Variants in PTK6 observed in about 807,000 individuals in gnomAD.
The protein encoded by PTK6 is protein-tyrosine kinase 6.
Under a neutral mutation model 47.5 loss-of-function variants are expected in PTK6, and 47 were observed. The ratio of observed to expected loss-of-function variants is 0.99; its 90% CI spans 0.78 to 1.26. PTK6 has a LOEUF of 1.26. PTK6 is among the 50% of genes most tolerant of loss of function. The pLI is 0.00. For missense variants in PTK6, 618 were observed against 625.3 expected (o/e 0.99, Z 0.12); for synonymous variants, 287 against 276.5 (o/e 1.04, Z -0.38).
intron 5 of PTK6, among the ~76,000 whole-genome samples, chr20:63,531,493 T>TA (rs1438178976): frequency 6.9e-6 from 1 of 144,422 alleles, no homozygotes; most frequent in African/African-American, 2.6e-5. Flanking sequence ...CAGGTGCCTG[T>TA]AATCTCAGCT....
At position 63,530,064 on chromosome 20, in the gene PTK6, A is replaced by G. The variant is rs202041591; in HGVS notation, c.1168+14T>C. 2.4e-5 allele frequency: 38 copies of G among 1,613,106 alleles called. No individual in the cohort carries two copies. Among genetic ancestry groups the G allele is most frequent in the Admixed American group, 1.0e-4 (6 of 60,022 alleles). ...CTGCCTCTCATGCCCAGTCAGGGAC[A>G]GTGGGGACAGTACCTGGGTAGGGCA... On this transcript the variant is annotated intron_variant, in intron 7 of 7. Transcript: ENST00000542869. The surrounding 1 kb of genome is among the most constrained non-coding windows in gnomAD (Gnocchi z 4.1).
chr20:63,532,281 T>TC (rs2050323379), intron 5 of PTK6, among the ~76,000 whole-genome samples: 1 of 151,180 alleles, frequency 6.6e-6, no homozygotes, highest in African/African-American at 2.4e-5. Context: ...TCTGTGTGTG[T>TC]CATGTGATGT....
chr20:63,532,445 A>T, intron 5 of PTK6, 81 bp downstream of exon 5: 1 of 1,442,086 alleles, frequency 6.9e-7, no homozygotes, highest in Non-Finnish European at 9.2e-7. Flanking sequence ...GTGTGTGTGT[A>T]GACGTGGGGG....
At position 63,533,773 on chromosome 20, in the gene PTK6, A is replaced by G; in HGVS notation, c.517-69T>C. ...GGAAGTGCCAGTCTGAAGCCAGCAC[A>G]GGGAGCCTGGATTTAGCCTCAGATT... is the stretch of plus-strand genomic sequence containing the variant. On this transcript the variant is annotated intron_variant, in intron 3 of 7. Coordinates refer to ENST00000542869, the MANE Select transcript of PTK6 (RefSeq NM_005975.4). This position sits in a 1 kb window ranked among gnomAD's most constrained non-coding sequence, Gnocchi z 4.0. 6.5e-7 allele frequency: 1 copy of G among 1,539,962 alleles called. No homozygotes were observed. The highest frequency in any genetic ancestry group is 8.7e-7 in the Non-Finnish European group (1 of 1,144,282).
intron 5 of PTK6, among the ~76,000 whole-genome samples, chr20:63,531,870 C>A (rs2082624347): frequency 6.6e-6 from 1 of 152,204 alleles, no homozygotes; most frequent in South Asian, 2.1e-4. Context: ...GATGATCAAG[C>A]CCTTTGTGTG....
In PTK6 at chr20:63,531,437, A is replaced by T. The variant is rs867229606; in HGVS notation, c.833-510T>A. On this transcript the variant is annotated intron_variant, in intron 5 of 7. Coordinates refer to ENST00000542869, the MANE Select transcript of PTK6 (RefSeq NM_005975.4). Reference sequence around the variant, plus strand: ...CTCCGTCTCAAAAAAAAAAAAAAAAAATATATATATATATATATATATATA... The same window carrying T: ...CTCCGTCTCAAAAAAAAAAAAAAAATATATATATATATATATATATATATA... 4.8e-3 allele frequency among the ~76,000 whole-genome samples: 455 copies of T among 94,854 alleles called. 1 individual carries two copies. The highest frequency in any genetic ancestry group is 7.2e-3 in the African/African-American group (129 of 17,946). 62.2% of individuals were successfully genotyped at this position (94,854 alleles called of 152,430 possible). A position where few individuals can be genotyped will look rare whatever the true frequency, so the allele number is the denominator to read the frequency against.
chr20:63,529,982 G>A lies in PTK6; in HGVS notation c.1168+96C>T, dbSNP rs2082604840. 2 of 1,464,482 alleles carry A rather than the reference G, an allele frequency of 1.4e-6. No individual in the cohort carries two copies. Among genetic ancestry groups the A allele is most frequent in the Non-Finnish European group, 1.9e-6 (2 of 1,071,932 alleles). The allele number at this position is 1,464,482 out of a possible 1,614,324, so 90.7% of individuals were successfully genotyped here. A position where few individuals can be genotyped will look rare whatever the true frequency, so the allele number is the denominator to read the frequency against. On this transcript the variant is annotated intron_variant, in intron 7 of 7. Coordinates refer to ENST00000542869, the MANE Select transcript of PTK6 (RefSeq NM_005975.4). The surrounding 1 kb of genome is among the most constrained non-coding windows in gnomAD (Gnocchi z 5.6). ...GCGATGGCCCGCGGAGGGCCCTGAA[G>A]CCCGTGGGGGAGGCACCCCCCAGCG...
rs569510506 is a variant in PTK6 at position 63,530,054 on chromosome 20, A to G, written c.1168+24T>C. ...CTCCCCCACTCTGCCTCTCATGCCC[A>G]GTCAGGGACAGTGGGGACAGTACCT... On this transcript the variant is annotated intron_variant, in intron 7 of 7. Coordinates refer to ENST00000542869, the MANE Select transcript of PTK6 (RefSeq NM_005975.4). The surrounding 1 kb of genome is among the most constrained non-coding windows in gnomAD (Gnocchi z 4.1). 1 of 1,612,248 alleles carries G rather than the reference A, an allele frequency of 6.2e-7. No homozygotes were observed. The highest frequency in any genetic ancestry group is 8.5e-7 in the Non-Finnish European group (1 of 1,179,274).
chr20:63,530,910 G>A lies in PTK6; in HGVS notation c.850C>T (p.Leu284=). 1.2e-6 allele frequency: 2 copies of A among 1,611,426 alleles called. No homozygotes were observed. The highest frequency in any genetic ancestry group is 1.7e-6 in the Non-Finnish European group (2 of 1,178,928). The change falls in exon 6 of 8, where the codon CTG becomes TTG. Residue 284 remains leucine (L), a synonymous_variant. Coordinates refer to ENST00000542869, the MANE Select transcript of PTK6 (RefSeq NM_005975.4). The surrounding 1 kb of genome is among the most constrained non-coding windows in gnomAD (Gnocchi z 4.1). ...ATGTCCAGCAGCTCCGAAACGGGCAGGACTTTCTCATCAGAGTCTGCAGAG... is the reference window on the plus strand; with the variant it reads ...ATGTCCAGCAGCTCCGAAACGGGCAAGACTTTCTCATCAGAGTCTGCAGAG... ...ELLRDSDEKV[L]PVSELLDIAW... is the part of the protein sequence containing the mutation.
Position 63,533,171 on chromosome 20 carries a change from G to A in PTK6, c.670+380C>T, listed in dbSNP as rs56210557. Reference sequence around the variant, plus strand: ...CAATCTCCGCCTCCTGGGTTGAAGCGATTCTCCTGCCTCAGCCTCCCGAGT... The same window carrying A: ...CAATCTCCGCCTCCTGGGTTGAAGCAATTCTCCTGCCTCAGCCTCCCGAGT... On this transcript the variant is annotated intron_variant, in intron 4 of 7. Transcript: ENST00000542869. The surrounding 1 kb of genome is among the most constrained non-coding windows in gnomAD (Gnocchi z 4.0). 0.13 allele frequency among the ~76,000 whole-genome samples: 19,502 copies of A among 151,642 alleles called. 2,578 individuals are homozygous for A. Among genetic ancestry groups the A allele is most frequent in the African/African-American group, 0.34 (14,086 of 41,208 alleles).
chr20:63,531,674 C>T (rs1252622904), intron 5 of PTK6, among the ~76,000 whole-genome samples: 4 of 151,532 alleles, frequency 2.6e-5, no homozygotes, highest in Admixed American at 2.6e-4. Flanking sequence ...GATTTCCCTT[C>T]TGGAAGTTTG....
rs762672617 is a variant in PTK6, at chr20:63,534,242, C to G, written c.426G>C (p.Ala142=). The G allele has an allele frequency of 8.1e-6, 13 of 1,606,484 alleles. No homozygotes were observed. Residue 142 remains alanine, a synonymous_variant, in exon 3 of 8, where the codon GCG becomes GCC. Transcript: ENST00000542869. The part of the protein sequence containing the change: ...RAGGRLHLNE[A]VSFLSLPELV... Reference sequence around the variant, plus strand: ...GCTCGGGCAGGCTGAGGAAGGACACCGCCTCGTTCAGGTGCAGCCGGCCCC... The same window carrying G: ...GCTCGGGCAGGCTGAGGAAGGACACGGCCTCGTTCAGGTGCAGCCGGCCCC...
rs2082590496 is a variant in PTK6, at chr20:63,528,268, A to C, written c.*1268T>G. 6.6e-6 allele frequency: 1 copy of C among 152,222 alleles called. No homozygotes were observed. The highest frequency in any genetic ancestry group is 2.1e-4 in the South Asian group (1 of 4,834). 9.4% of individuals were successfully genotyped at this position (152,222 alleles called of 1,614,324 possible). ...AAGACTTAGTGTGACTTACTATTTC[A>C]CACGCTTTCCATCTCATGTAGCACA... On this transcript the variant is annotated 3_prime_UTR_variant, in exon 8 of 8. Transcript: ENST00000542869.
chr20:63,535,650 A>G (rs2145976877), intron 1 of PTK6, among the ~76,000 whole-genome samples: 1 of 151,842 alleles, frequency 6.6e-6, no homozygotes, highest in Middle Eastern at 3.4e-3. Flanking sequence ...TCACTGGAAC[A>G]CAAACCCCAC....
Position 63,528,517 on chromosome 20 carries a change from C to T in PTK6, c.*1019G>A, listed in dbSNP as rs999848007. Reference sequence around the variant, plus strand: ...CACCTCCCGGGTTCACACCAGTCTGCTGCCTCAGCCTCCCACGTAGCTGGG... The same window carrying T: ...CACCTCCCGGGTTCACACCAGTCTGTTGCCTCAGCCTCCCACGTAGCTGGG... On this transcript the variant is annotated 3_prime_UTR_variant, in exon 8 of 8. Transcript: ENST00000542869. 3 of 151,360 alleles carry T rather than the reference C, an allele frequency of 2.0e-5. No homozygotes were observed. The highest frequency in any genetic ancestry group is 4.9e-5 in the African/African-American group (2 of 41,144). 9.4% of individuals were successfully genotyped at this position (151,360 alleles called of 1,614,324 possible).
rs1295575396 is a variant in PTK6, at chr20:63,537,132, A to G, written c.183T>C (p.Tyr61=). The G allele has an allele frequency of 3.7e-6, 6 of 1,611,026 alleles. No individual in the cohort carries two copies. In the Admixed American group the frequency reaches 5.0e-5, roughly 13 times the overall value. ...TCTCGGCCAGGTAGTTGTGGGGCAC[A>G]TAGCCCTGGGCCACGGCCCCACCCG... is the stretch of plus-strand genomic sequence containing the variant. ...DEAGGAVAQG[Y]VPHNYLAERE... is the part of the protein sequence containing the mutation. The change falls in exon 1 of 8, where the codon TAT becomes TAC. Residue 61 remains tyrosine (Y), a synonymous_variant. Transcript: ENST00000542869.
At chr20:63,532,321 GTATGT>G (rs1425956589) in intron 5 of PTK6, among the ~76,000 whole-genome samples, 200 bp downstream of exon 5, 19,333 of 150,628 alleles carry the variant, frequency 0.13, 3,964 homozygotes, top group African/African-American at 0.44. Context: ...GTGTGCATGT[GTATGT>G]CTGTGTGCAT....
chr20:63,531,722 G>A (rs111902738), intron 5 of PTK6, among the ~76,000 whole-genome samples: 32 of 152,320 alleles, frequency 2.1e-4, no homozygotes, highest in Non-Finnish European at 1.8e-4. Context: ...AAGGACCAGC[G>A]AAGAGGCTCA....
At chr20:63,531,437 A>AATATAT (rs748873194) in intron 5 of PTK6, among the ~76,000 whole-genome samples, 3 of 94,926 alleles carry the variant, frequency 3.2e-5, no homozygotes, top group Non-Finnish European at 5.6e-5. Context: ...AAAAAAAAAA[A>AATATAT]ATATATATAT....
Sources: allele counts gnomAD v4.1 joint callset (sites outside exome capture counted in the v4.1 genomes callset), GRCh38; gene constraint gnomAD v4.1.1; non-coding constraint Gnocchi (gnomAD v3.1); transcripts MANE v1.5; gene names NCBI Gene and HGNC (gene_info 2026-07-23, HGNC 2026-07-21).